Variants in KRT73 observed in about 807,000 individuals in gnomAD.
The protein encoded by KRT73 is keratin, type II cytoskeletal 73.
A neutral mutation model predicts 47.2 loss-of-function variants in KRT73; 44 were observed. That is an observed-to-expected ratio of 0.93 (90% CI 0.73 to 1.20). The LOEUF is 1.20. Among genes scored for constraint, KRT73 ranks in the 50% most tolerant of loss-of-function variants. The pLI is 0.00. For synonymous variants in KRT73, 285 were observed against 291.3 expected (o/e 0.98, Z 0.22); for missense variants, 713 against 704.5 (o/e 1.01, Z -0.14).
Position 52,611,233 on chromosome 12 carries a change from G to T in KRT73, c.1081C>A (p.Arg361Ser). The change falls in exon 6 of 9, where the codon CGC becomes AGC. Residue 361 changes from arginine (R) to serine (S), a missense_variant. By Grantham distance (110) the Arg-to-Ser change is moderately radical. Transcript: ENST00000305748. ...SELTRLIQRLRSEIESVKKQC... is the reference protein window; with the variant it reads ...SELTRLIQRLSSEIESVKKQC... Reference sequence around the variant, plus strand: ...TTCTTCACACTCTCAATCTCCGAGCGCAGTCTTTGGATGAGACGGGTCAGC... The same window carrying T: ...TTCTTCACACTCTCAATCTCCGAGCTCAGTCTTTGGATGAGACGGGTCAGC... The T allele has an allele frequency of 6.2e-7, 1 of 1,614,126 alleles. No individual in the cohort carries two copies. The highest frequency in any genetic ancestry group is 8.5e-7 in the Non-Finnish European group (1 of 1,180,016).
intron 8 of KRT73, among the ~76,000 whole-genome samples, chr12:52,608,778 CA>C (rs2120853581): frequency 6.6e-6 from 1 of 152,274 alleles, no homozygotes; most frequent in East Asian, 1.9e-4. Flanking sequence ...GAGTATTTTT[CA>C]AAAGAATTTC....
intron 3 of KRT73, chr12:52,614,917 C>T (rs1940781538): frequency 1.9e-6 from 1 of 532,710 alleles, no homozygotes; most frequent in Non-Finnish European, 3.3e-6. Flanking sequence ...AGACTCTATA[C>T]CCCACTCAGC....
chr12:52,610,752 C>A lies in KRT73; in HGVS notation c.1194G>T (p.Glu398Asp), dbSNP rs1243393757. ...ALKDARAKLD[E>D]LEGALQQAKE... is the part of the protein sequence containing the mutation. Reference sequence around the variant, plus strand: ...TGGCCTGCTGCAGGGCGCCCTCCAGCTCATCCAGCTTGGCCCTGGCATCCT... The same window carrying A: ...TGGCCTGCTGCAGGGCGCCCTCCAGATCATCCAGCTTGGCCCTGGCATCCT... The change falls in exon 7 of 9, where the codon GAG becomes GAT. Residue 398 changes from glutamate to aspartate, a missense_variant. Transcript: ENST00000305748. 1 of 1,614,032 alleles carries A rather than the reference C, an allele frequency of 6.2e-7. No homozygotes were observed. The highest frequency in any genetic ancestry group is 1.1e-5 in the South Asian group (1 of 91,064).
Position 52,615,262 on chromosome 12 carries a change from C to T in KRT73, c.723+17G>A, listed in dbSNP as rs970540403. The T allele has an allele frequency of 1.9e-6, 3 of 1,611,392 alleles. No homozygotes were observed. Among genetic ancestry groups the T allele is most frequent in the Non-Finnish European group, 2.5e-6 (3 of 1,177,910 alleles). ...CCACTGCTGGGGGACTGAAGGGAACCCATGCACCCTCCTCACCTTCTTAAG... is the reference window on the plus strand; with the variant it reads ...CCACTGCTGGGGGACTGAAGGGAACTCATGCACCCTCCTCACCTTCTTAAG... On this transcript the variant is annotated intron_variant, in intron 3 of 8. Transcript: ENST00000305748.
chr12:52,623,466 G>C (rs568048966), upstream of KRT73, among the ~76,000 whole-genome samples: 28 of 152,218 alleles, frequency 1.8e-4, no homozygotes, highest in South Asian at 5.6e-3. Flanking sequence ...TACCCTAAAA[G>C]AATGGCTAAA....
At chr12:52,609,596 CA>C (rs1426699457) in intron 7 of KRT73, among the ~76,000 whole-genome samples, 1 of 152,190 alleles carries the variant, frequency 6.6e-6, no homozygotes, top group African/African-American at 2.4e-5. Context: ...TGAATAAATA[CA>C]TATGTGGAAA....
chr12:52,608,463 G>C lies in KRT73; in HGVS notation c.1367-11C>G, dbSNP rs1940630965. 1 of 1,601,358 alleles carries C rather than the reference G, an allele frequency of 6.2e-7. No homozygotes were observed. On this transcript the variant is annotated splice_polypyrimidine_tract_variant and intron_variant, in intron 8 of 8. Transcript: ENST00000305748. ...AGCTGTTGATGACCGCTGCAGAGGA[G>C]GGAGGGACGAGTGATCAGTGTATAT...
chr12:52,614,324 T>G, intron 4 of KRT73: 1 of 442,560 alleles, frequency 2.3e-6, no homozygotes, highest in Non-Finnish European at 4.0e-6. Flanking sequence ...AGAATATGCT[T>G]GGCTGAAGTT....
chr12:52,613,892 C>T (rs1940757568), intron 4 of KRT73, 40 bp from the exon 5 acceptor site: 1 of 1,599,384 alleles, frequency 6.3e-7, no homozygotes, highest in African/African-American at 1.3e-5. Flanking sequence ...CCTTCTGTGA[C>T]CAGAGAAAGG....
At chr12:52,610,277 A>G (rs536685088) in intron 7 of KRT73, 3 of 312,538 alleles carry the variant, frequency 9.6e-6, no homozygotes, top group East Asian at 7.8e-5. Flanking sequence ...GGTTTCTCCA[A>G]TGTTGGCCAG....
At chr12:52,614,220 AG>A (rs1940763131) in intron 4 of KRT73, 1 of 333,236 alleles carries the variant, frequency 3.0e-6, no homozygotes, top group Non-Finnish European at 5.5e-6. Flanking sequence ...AGAAGGCAGA[AG>A]GGGTATGAGG....
At chr12:52,628,424 G>T in the KRT73 span, among the ~76,000 whole-genome samples, 2 of 151,950 alleles carry the variant, frequency 1.3e-5, no homozygotes, top group Non-Finnish European at 2.9e-5. Flanking sequence ...GGCCACCCAG[G>T]GTCTACGAAT....
At chr12:52,609,837 T>C (rs1203110639) in intron 7 of KRT73, 1 of 153,070 alleles carries the variant, frequency 6.5e-6, no homozygotes, top group Non-Finnish European at 1.5e-5. Context: ...GCATTTCTTT[T>C]AAAAAGAAGT....
intron 4 of KRT73, chr12:52,614,113 A>G: frequency 2.3e-6 from 1 of 428,568 alleles, no homozygotes; most frequent in Non-Finnish European, 4.1e-6. Context: ...GGAAGGTGGA[A>G]GACAACAGCC....
chr12:52,629,491 C>T, the KRT73 span, among the ~76,000 whole-genome samples: 6 of 152,164 alleles, frequency 3.9e-5, no homozygotes, highest in South Asian at 2.1e-4. Context: ...CACAGGGCCA[C>T]GGACAAATAG....
Position 52,610,529 on chromosome 12 carries a change from G to GCGGGGCCC in KRT73, c.1331+85_1331+86insGGGCCCCG. 2 of 295,156 alleles carry GCGGGGCCC rather than the reference G, an allele frequency of 6.8e-6. 1 individual carries two copies. The highest frequency in any genetic ancestry group is 1.4e-5 in the Non-Finnish European group (2 of 147,648). 18.3% of individuals were successfully genotyped at this position (295,156 alleles called of 1,614,324 possible). A position where few individuals can be genotyped will look rare whatever the true frequency, so the allele number is the denominator to read the frequency against. ...GAAGTAAACACATCGCCAGCTCGCC[G>GCGGGGCCC]CCCCCTCCCCCCCGCCCCCAACCAC... On this transcript the variant is annotated intron_variant, in intron 7 of 8. Transcript: ENST00000305748.
Position 52,608,324 on chromosome 12 carries a change from C to A in KRT73, c.1495G>T (p.Val499Phe). ...GGYSMLPGGC[V>F]TGSGNCSPRG... ...GGGCTACAGTTCCCACTGCCAGTGACACAGCCCCCAGGCAGCATGCTGTAG... is the reference window on the plus strand; with the variant it reads ...GGGCTACAGTTCCCACTGCCAGTGAAACAGCCCCCAGGCAGCATGCTGTAG... The change falls in exon 9 of 9, where the codon GTC becomes TTC. Residue 499 changes from valine (V) to phenylalanine (F), a missense_variant. By Grantham distance (50) the Val-to-Phe change is conservative. Transcript: ENST00000305748. 1 of 1,614,008 alleles carries A rather than the reference C, an allele frequency of 6.2e-7. No homozygotes were observed. The highest frequency in any genetic ancestry group is 8.5e-7 in the Non-Finnish European group (1 of 1,180,026).
At chr12:52,611,439 T>A (rs1592242559) in intron 5 of KRT73, 110 bp from the exon 6 acceptor site, 4 of 1,282,274 alleles carry the variant, frequency 3.1e-6, no homozygotes, top group South Asian at 2.8e-5. Context: ...TGGGTCCAGG[T>A]CCCCCGCCTC....
the KRT73 span, among the ~76,000 whole-genome samples, chr12:52,629,359 G>A: frequency 1.3e-5 from 2 of 152,116 alleles, no homozygotes; most frequent in African/African-American, 2.4e-5. Context: ...TCTGGGCCAT[G>A]TGTCCACCAC....
Sources: allele counts gnomAD v4.1 joint callset (sites outside exome capture counted in the v4.1 genomes callset), GRCh38; gene constraint gnomAD v4.1.1; transcripts MANE v1.5; gene names NCBI Gene and HGNC (gene_info 2026-07-23, HGNC 2026-07-21).